Variants in ARHGEF18 observed in about 807,000 individuals in gnomAD.
ARHGEF18 encodes the protein rho guanine nucleotide exchange factor 18.
In ARHGEF18, 93 loss-of-function variants were observed where a neutral mutation model predicts 155.7. The observed-to-expected ratio is 0.60, with a 90% CI of 0.50 to 0.71. The LOEUF (loss-of-function observed/expected upper bound fraction) is 0.71, where lower values mean the gene tolerates loss of function less well. Among genes scored for constraint, ARHGEF18 ranks in the 30% least tolerant of loss-of-function variants. The pLI, the probability that ARHGEF18 is intolerant of heterozygous loss-of-function variation, is 0.00. For synonymous variants in ARHGEF18, 742 were observed against 753.1 expected (o/e 0.99, Z 0.24); for missense variants, 1,593 against 1,816.1 (o/e 0.88, Z 2.23).
At position 7,362,155 on chromosome 19, in the gene ARHGEF18, GAGGAGAAGAAGGAGAAGAAGGAGAAGA is replaced by G. The variant is rs879464103; in HGVS notation, c.-110-605_-110-579del. Among the ~76,000 whole-genome samples the G allele has an allele frequency of 9.5e-3, 357 of 37,630 alleles. 115 individuals are homozygous for G. The highest frequency in any genetic ancestry group is 0.075 in the African/African-American group (341 of 4,576). The allele number at this position is 37,630 out of a possible 152,430, so 24.7% of individuals were successfully genotyped here. A position where few individuals can be genotyped will look rare whatever the true frequency, so the allele number is the denominator to read the frequency against. ...GGAGAAGGAGAAGGAGAAGGAGAAG[GAGGAGAAGAAGGAGAAGAAGGAGAAGA>G]AGGAGAAGAAGGAGAAGAAGAAGGA... On this transcript the variant is annotated intron_variant, in intron 1 of 28. Transcript: ENST00000668164.
chr19:7,385,711 A>T (rs1970975022), intron 10 of ARHGEF18, among the ~76,000 whole-genome samples: 9 of 151,696 alleles, frequency 5.9e-5, no homozygotes. Context: ...CCTGACCTCA[A>T]GTGATTTGCC....
intron 13 of ARHGEF18, among the ~76,000 whole-genome samples, chr19:7,443,765 G>A (rs145503173): frequency 6.6e-6 from 1 of 152,240 alleles, no homozygotes; most frequent in Non-Finnish European, 1.5e-5. Context: ...ATAGCCAGGC[G>A]TGGTGGTGTG....
At chr19:7,438,480 C>T (rs971675010) in intron 10 of ARHGEF18, among the ~76,000 whole-genome samples, 6 of 150,766 alleles carry the variant, frequency 4.0e-5, no homozygotes, top group Admixed American at 1.3e-4. Flanking sequence ...GGCACGGTCT[C>T]GGCTCACCAC....
intron 10 of ARHGEF18, among the ~76,000 whole-genome samples, chr19:7,422,866 A>ACACC (rs369493513): frequency 0.02 from 2,997 of 151,632 alleles, 216 homozygotes; most frequent in Admixed American, 0.14. Context: ...TTACAGGCAC[A>ACACC]CACCACCACA....
chr19:7,443,445 C>T (rs1455556598), intron 13 of ARHGEF18, among the ~76,000 whole-genome samples: 3 of 152,170 alleles, frequency 2.0e-5, no homozygotes, highest in Admixed American at 2.0e-4. Flanking sequence ...ATGTGATCTG[C>T]TCACCTCGGC....
At chr19:7,368,668 G>A (rs1949539194) in intron 2 of ARHGEF18, among the ~76,000 whole-genome samples, 1 of 152,168 alleles carries the variant, frequency 6.6e-6, no homozygotes, top group Admixed American at 6.5e-5. Context: ...CCAAGAGGCT[G>A]TCCTGACGTG....
In ARHGEF18 at chr19:7,459,966, C is replaced by G. The variant is rs566493400; in HGVS notation, c.2424C>G (p.Ala808=). The part of the protein sequence containing the change: ...LPEEERKVVE[A]RATRLRDFQE... Reference sequence around the variant, plus strand: ...AAGAGGAAAGGAAGGTGGTCGAGGCCCGCGCCACGAGACTCCGGGACTTTC... The same window carrying G: ...AAGAGGAAAGGAAGGTGGTCGAGGCGCGCGCCACGAGACTCCGGGACTTTC... Residue 808 remains alanine (A), a synonymous_variant, in exon 20 of 29, where the codon GCC becomes GCG. Coordinates refer to ENST00000668164, the MANE Select transcript of ARHGEF18 (RefSeq NM_001367823.1). The G allele has an allele frequency of 1.0e-5, 16 of 1,587,888 alleles. No individual in the cohort carries two copies. The African/African-American group carries it at 2.1e-4, about 21-fold the overall frequency.
At chr19:7,451,987 G>A (rs1382283882) in intron 16 of ARHGEF18, among the ~76,000 whole-genome samples, 1 of 152,212 alleles carries the variant, frequency 6.6e-6, no homozygotes, top group African/African-American at 2.4e-5. Context: ...CTCCCAAAGT[G>A]CTGGGATTAC....
At chr19:7,422,091 G>A (rs1324364635) in intron 10 of ARHGEF18, among the ~76,000 whole-genome samples, 2 of 151,880 alleles carry the variant, frequency 1.3e-5, no homozygotes, top group African/African-American at 2.4e-5. Context: ...TTGTCACCTC[G>A]CACTCAGGCT....
chr19:7,478,296 G>C, the ARHGEF18 span: 1 of 1,608,538 alleles, frequency 6.2e-7, no homozygotes. Context: ...TCCCTGCTGG[G>C]TGATCACGGG....
At chr19:7,375,381 G>A (rs1229882174) in intron 3 of ARHGEF18, among the ~76,000 whole-genome samples, 2 of 107,346 alleles carry the variant, frequency 1.9e-5, no homozygotes, top group Non-Finnish European at 4.3e-5. Flanking sequence ...AAGGAAGAAA[G>A]AAAAGGAAGG....
intron 10 of ARHGEF18, among the ~76,000 whole-genome samples, chr19:7,429,511 G>C (rs1973843039): frequency 1.3e-5 from 2 of 152,192 alleles, no homozygotes; most frequent in Non-Finnish European, 2.9e-5. Context: ...GCTTAGGCGG[G>C]AGAATTGCTT....
chr19:7,439,144 A>C (rs924633937), intron 10 of ARHGEF18, among the ~76,000 whole-genome samples: 1 of 151,712 alleles, frequency 6.6e-6, no homozygotes, highest in African/African-American at 2.4e-5. Context: ...CGGCCTCCCA[A>C]AGTGCTGAGA....
At chr19:7,408,185 G>A (rs967037855) in intron 10 of ARHGEF18, among the ~76,000 whole-genome samples, 4 of 152,034 alleles carry the variant, frequency 2.6e-5, no homozygotes, top group African/African-American at 9.7e-5. Flanking sequence ...GGGTGAGACA[G>A]GAGAATTGCT....
Position 7,389,541 on chromosome 19 carries a change from T to A in ARHGEF18, c.967+6338T>A, listed in dbSNP as rs184233018. On this transcript the variant is annotated intron_variant, in intron 10 of 28. Coordinates refer to ENST00000668164, the MANE Select transcript of ARHGEF18 (RefSeq NM_001367823.1). ...TTTCTTTCTTTCTTATTTACTTATT[T>A]TTTTTTTTTTGAGATGGAGTCTTGC... Among the ~76,000 whole-genome samples the A allele has an allele frequency of 4.2e-4, 60 of 144,074 alleles. No homozygotes were observed. In the East Asian group the frequency reaches 0.012, roughly 28 times the overall value. The allele number at this position is 144,074 out of a possible 152,430, so 94.5% of individuals were successfully genotyped here.
At chr19:7,422,409 A>G (rs1229386647) in intron 10 of ARHGEF18, among the ~76,000 whole-genome samples, 1 of 124,388 alleles carries the variant, frequency 8.0e-6, no homozygotes, top group Non-Finnish European at 1.6e-5. Context: ...ACAATATGCC[A>G]TCATTCCCCC....
At chr19:7,455,204 G>A (rs763934165) in intron 17 of ARHGEF18, among the ~76,000 whole-genome samples, 16 of 152,286 alleles carry the variant, frequency 1.1e-4, no homozygotes, top group East Asian at 3.9e-4. Flanking sequence ...CCTGCCAGGC[G>A]CCGAGTTGGA....
intron 10 of ARHGEF18, among the ~76,000 whole-genome samples, chr19:7,405,633 C>A (rs143398506): frequency 3.3e-5 from 5 of 152,132 alleles, no homozygotes; most frequent in African/African-American, 9.7e-5. Context: ...GTTTTTGAAA[C>A]AGGGTCTTGC....
At chr19:7,459,479 CA>C (rs1180688783) in intron 19 of ARHGEF18, among the ~76,000 whole-genome samples, 7 of 152,208 alleles carry the variant, frequency 4.6e-5, no homozygotes, top group Non-Finnish European at 1.0e-4. Flanking sequence ...CTTGGCCTCC[CA>C]AAGTGTTGGG....
Sources: allele counts gnomAD v4.1 joint callset (sites outside exome capture counted in the v4.1 genomes callset), GRCh38; gene constraint gnomAD v4.1.1; transcripts MANE v1.5; gene names NCBI Gene and HGNC (gene_info 2026-07-23, HGNC 2026-07-21).